Variants in KIAA1549 observed in about 807,000 individuals in gnomAD.
The protein encoded by KIAA1549 is KIAA1549, also known as UPF0606 protein KIAA1549.
In KIAA1549, 70 loss-of-function variants were observed where a neutral mutation model predicts 156.4. That is an observed-to-expected ratio of 0.45 (90% confidence interval 0.37 to 0.55). KIAA1549 has a LOEUF of 0.55. Among genes scored for constraint, KIAA1549 ranks in the 20% least tolerant of loss-of-function variants. The probability of loss-of-function intolerance (pLI) is 0.00; values close to 1 mark genes in which losing one functional copy is unlikely to be tolerated. For synonymous variants in KIAA1549, 1,103 were observed against 1,066.4 expected, an observed-to-expected ratio of 1.03 and a Z score of -0.67; for missense variants, 2,428 against 2,540.9, an observed-to-expected ratio of 0.96 and a Z score of 0.96.
At chr7:138,950,299 T>G (rs1813457598) in intron 1 of KIAA1549, among the ~76,000 whole-genome samples, 1 of 152,228 alleles carries the variant, frequency 6.6e-6, no homozygotes. Flanking sequence ...AAACTAAATA[T>G]CTATCAAACT....
chr7:138,957,625 G>A (rs1017829642), intron 1 of KIAA1549, among the ~76,000 whole-genome samples: 2 of 152,058 alleles, frequency 1.3e-5, no homozygotes, highest in African/African-American at 2.4e-5. Context: ...CTACAGGTTC[G>A]CATCATGACA....
At chr7:138,857,738 CT>C (rs1393713021) in intron 16 of KIAA1549, among the ~76,000 whole-genome samples, 7 of 152,210 alleles carry the variant, frequency 4.6e-5, no homozygotes, top group Non-Finnish European at 8.8e-5. Flanking sequence ...AAATGATCCT[CT>C]TAATCTTTAA....
At chr7:138,883,301 T>C (rs1429514705) in intron 10 of KIAA1549, among the ~76,000 whole-genome samples, 2 of 149,604 alleles carry the variant, frequency 1.3e-5, no homozygotes, top group African/African-American at 2.5e-5. Context: ...CCATTTGTTA[T>C]TGTTCACATT....
At chr7:138,859,904 C>T (rs1810504236) in intron 16 of KIAA1549, among the ~76,000 whole-genome samples, 1 of 152,234 alleles carries the variant, frequency 6.6e-6, no homozygotes, top group African/African-American at 2.4e-5. Context: ...CTTCAACTGA[C>T]AACCACTAAT....
intron 1 of KIAA1549, among the ~76,000 whole-genome samples, chr7:138,944,031 TGCTGGGATTACAA>T (rs1381295686): frequency 1.3e-5 from 2 of 151,414 alleles, no homozygotes; most frequent in African/African-American, 2.4e-5. Flanking sequence ...CCTCCCAAAG[TGCTGGGATTACAA>T]GCTGGGATTA....
chr7:138,947,192 A>C (rs1391599457), intron 1 of KIAA1549, among the ~76,000 whole-genome samples: 1 of 152,224 alleles, frequency 6.6e-6, no homozygotes, highest in Non-Finnish European at 1.5e-5. Context: ...CTGACCCAAG[A>C]TGAAACGTTA....
chr7:138,838,836 C>T (rs978118974), intron 19 of KIAA1549, among the ~76,000 whole-genome samples: 3 of 152,044 alleles, frequency 2.0e-5, no homozygotes, highest in Admixed American at 6.5e-5. Flanking sequence ...AAATAGTGAC[C>T]GAGCAGTGTT....
rs1563039449 is a variant in KIAA1549 at position 138,832,190 on chromosome 7, C to CTTTTTTTTTTTTTTTTTTTTTTTTTTT, written c.*5715_*5716insAAAAAAAAAAAAAAAAAAAAAAAAAAA. The CTTTTTTTTTTTTTTTTTTTTTTTTTTT allele has an allele frequency of 1.0e-4, 17 of 169,996 alleles. No homozygotes were observed. The highest frequency in any genetic ancestry group is 1.7e-4 in the African/African-American group (5 of 30,106). 10.5% of individuals were successfully genotyped at this position (169,996 alleles called of 1,614,324 possible). On this transcript the variant is annotated 3_prime_UTR_variant, in exon 20 of 20. Coordinates refer to ENST00000422774, the MANE Select transcript of KIAA1549 (RefSeq NM_001164665.2). ...TTCACCTCTGTCCCTTTTACCTATT[C>CTTTTTTTTTTTTTTTTTTTTTTTTTTT]CTTTTTTTTTTTTTTTTTTTTCCAG...
At chr7:138,968,080 A>C (rs1442837229) in intron 1 of KIAA1549, among the ~76,000 whole-genome samples, 1 of 152,196 alleles carries the variant, frequency 6.6e-6, no homozygotes, top group African/African-American at 2.4e-5. Context: ...CAGCAAACTA[A>C]TCCAAGAACA....
intron 8 of KIAA1549, among the ~76,000 whole-genome samples, chr7:138,902,110 G>T (rs777332254): frequency 2.0e-5 from 3 of 152,160 alleles, no homozygotes; most frequent in Non-Finnish European, 4.4e-5. Flanking sequence ...ATACTTATTC[G>T]TTTAATGATT....
At chr7:138,960,400 C>CG (rs1438150083) in intron 1 of KIAA1549, among the ~76,000 whole-genome samples, 1 of 104,128 alleles carries the variant, frequency 9.6e-6, no homozygotes, top group African/African-American at 8.7e-5. Context: ...ACCTCTGCCC[C>CG]CCGGTTCAAG....
At chr7:138,876,691 T>C (rs1045191419) in intron 12 of KIAA1549, among the ~76,000 whole-genome samples, 9 of 152,222 alleles carry the variant, frequency 5.9e-5, no homozygotes, top group African/African-American at 2.2e-4. Context: ...ACTACAATTA[T>C]GCACAGACGC....
chr7:138,833,612 AG>A lies in KIAA1549; in HGVS notation c.*4293del, dbSNP rs1270034416. The A allele has an allele frequency of 4.7e-5, 11 of 232,472 alleles. No homozygotes were observed. The highest frequency in any genetic ancestry group is 8.5e-5 in the Non-Finnish European group (10 of 117,630). The allele number at this position is 232,472 out of a possible 1,614,324, so 14.4% of individuals were successfully genotyped here. On this transcript the variant is annotated 3_prime_UTR_variant, in exon 20 of 20. Coordinates refer to ENST00000422774, the MANE Select transcript of KIAA1549 (RefSeq NM_001164665.2). ...ACACTATGAAATTAATAAAATTTGG[AG>A]AAAAATGTGTAGGTAGCAGTAAAGA...
chr7:138,887,756 T>G lies in KIAA1549; in HGVS notation c.4033-6172A>C, dbSNP rs1811439185. Among the ~76,000 whole-genome samples the G allele has an allele frequency of 2.0e-5, 3 of 152,206 alleles. No homozygotes were observed. The South Asian group carries it at 6.2e-4, about 32-fold the overall frequency. ...AAGGCACAATAAATTTGTGGTATGGTTTGCTTTCTCTCTTAAAGAACTGAG... is the reference window on the plus strand; with the variant it reads ...AAGGCACAATAAATTTGTGGTATGGGTTGCTTTCTCTCTTAAAGAACTGAG... On this transcript the variant is annotated intron_variant, in intron 10 of 19. Transcript: ENST00000422774.
intron 10 of KIAA1549, among the ~76,000 whole-genome samples, chr7:138,883,858 T>C (rs946888557): frequency 1.6e-4 from 25 of 152,194 alleles, no homozygotes; most frequent in African/African-American, 6.0e-4. Context: ...TCTCTGGTCT[T>C]CATCCCAGTT....
At chr7:138,911,488 C>A (rs1338440971) in intron 3 of KIAA1549, among the ~76,000 whole-genome samples, 165 bp from the exon 4 acceptor site, 3 of 152,156 alleles carry the variant, frequency 2.0e-5, no homozygotes, top group African/African-American at 7.2e-5. Context: ...TCTCTGCCAA[C>A]CTTTGCAAAA....
chr7:138,959,263 A>G (rs1241097347), intron 1 of KIAA1549, among the ~76,000 whole-genome samples: 1 of 152,220 alleles, frequency 6.6e-6, no homozygotes, highest in Non-Finnish European at 1.5e-5. Context: ...TTGGCAATCA[A>G]CTAAACATCA....
chr7:138,887,360 C>T (rs1034509905), intron 10 of KIAA1549, among the ~76,000 whole-genome samples: 10 of 151,900 alleles, frequency 6.6e-5, no homozygotes, highest in African/African-American at 2.2e-4. Context: ...AAATAAAATG[C>T]GTTTATTTTC....
rs1428850199 is a variant in KIAA1549 at position 138,834,442 on chromosome 7, C to G, written c.*3464G>C. ...GGGATTACAGGCGTGAGCCACCGCG[C>G]CTGATCTCTTCGAATGAATTTTATT... On this transcript the variant is annotated 3_prime_UTR_variant, in exon 20 of 20. Transcript: ENST00000422774. 1 of 204,408 alleles carries G rather than the reference C, an allele frequency of 4.9e-6. No individual in the cohort carries two copies. The highest frequency in any genetic ancestry group is 1.0e-5 in the Non-Finnish European group (1 of 99,670). 12.7% of individuals were successfully genotyped at this position (204,408 alleles called of 1,614,324 possible). A position where few individuals can be genotyped will look rare whatever the true frequency, so the allele number is the denominator to read the frequency against.
Sources: allele counts gnomAD v4.1 joint callset (sites outside exome capture counted in the v4.1 genomes callset), GRCh38; gene constraint gnomAD v4.1.1; transcripts MANE v1.5; gene names NCBI Gene and HGNC (gene_info 2026-07-23, HGNC 2026-07-21).